The following CFHR5 variants were observed in gnomAD, a reference collection of about 807,000 sequenced individuals.
CFHR5 encodes the protein complement factor H-related protein 5.
Under a neutral mutation model 62.9 loss-of-function variants are expected in CFHR5, and 73 were observed. The observed-to-expected ratio is 1.16, with a 90% CI of 0.96 to 1.41. CFHR5 has a LOEUF of 1.41. Ranked by LOEUF, CFHR5 falls within the 40% of genes most tolerant of loss-of-function variation. CFHR5 has a pLI of 0.00. For missense variants in CFHR5, 779 were observed against 679.9 expected, an observed-to-expected ratio of 1.15 and a Z score of -1.62; for synonymous variants, 249 against 227.2, an observed-to-expected ratio of 1.10 and a Z score of -0.86.
chr1:196,993,772 G>A (rs1187919565), intron 3 of CFHR5, among the ~76,000 whole-genome samples: 4 of 151,986 alleles, frequency 2.6e-5, no homozygotes, highest in African/African-American at 4.8e-5. Flanking sequence ...AATAAAATTA[G>A]AACTAATATT....
In CFHR5 at chr1:196,995,841, C is replaced by A; in HGVS notation, c.732C>A (p.Asn244Lys). 1 of 1,612,992 alleles carries A rather than the reference C, an allele frequency of 6.2e-7. No homozygotes were observed. The highest frequency in any genetic ancestry group is 1.1e-5 in the South Asian group (1 of 91,074). Reference sequence around the variant, plus strand: ...ATTGCAATCCTAATTTTATAATAAACGGGCCTAAGAAAATACAATGTGTGG... The same window carrying A: ...ATTGCAATCCTAATTTTATAATAAAAGGGCCTAAGAAAATACAATGTGTGG... Reference protein sequence around the residue: ...EYDCNPNFIINGPKKIQCVDG... With the variant: ...EYDCNPNFIIKGPKKIQCVDG... Residue 244 changes from asparagine (N) to lysine (K), a missense_variant, in exon 5 of 10, where the codon AAC becomes AAA. Physicochemically the swap from Asn to Lys is moderately conservative, Grantham distance 94 (BLOSUM62 0). Coordinates refer to ENST00000256785, the MANE Select transcript of CFHR5 (RefSeq NM_030787.4).
upstream of CFHR5, among the ~76,000 whole-genome samples, chr1:196,977,310 A>T (rs1314283236): frequency 6.7e-6 from 1 of 149,308 alleles, no homozygotes; most frequent in Non-Finnish European, 1.5e-5. Flanking sequence ...AAAAAAACCC[A>T]GGGGGCCGGC....
chr1:196,992,317 T>C (rs1430289052), intron 3 of CFHR5, among the ~76,000 whole-genome samples: 4 of 151,300 alleles, frequency 2.6e-5, no homozygotes. Flanking sequence ...GTCACGGGTT[T>C]CCTTGGCTAG....
At chr1:196,996,252 G>C in intron 6 of CFHR5, 51 bp downstream of exon 6, 7 of 1,421,758 alleles carry the variant, frequency 4.9e-6, no homozygotes, top group Non-Finnish European at 6.9e-6. Context: ...ATTTTGATTG[G>C]GATTGTATAA....
intron 9 of CFHR5, among the ~76,000 whole-genome samples, chr1:197,006,993 T>A (rs1358259795): frequency 1.3e-5 from 2 of 151,688 alleles, no homozygotes; most frequent in Non-Finnish European, 2.9e-5. Context: ...CATGCCACCA[T>A]GCCCGGCTAA....
chr1:196,981,554 ACCC>A (rs1433205347), intron 1 of CFHR5, among the ~76,000 whole-genome samples: 1 of 152,000 alleles, frequency 6.6e-6, no homozygotes, highest in East Asian at 1.9e-4. Context: ...TGAATATTTC[ACCC>A]ATTTTCTACA....
chr1:196,993,039 A>G (rs1239775744), intron 3 of CFHR5, among the ~76,000 whole-genome samples: 2 of 152,036 alleles, frequency 1.3e-5, no homozygotes, highest in Non-Finnish European at 2.9e-5. Flanking sequence ...CATTAATGAA[A>G]GATTATTAAA....
chr1:196,984,433 A>G (rs1653628901), intron 3 of CFHR5, among the ~76,000 whole-genome samples: 1 of 152,240 alleles, frequency 6.6e-6, no homozygotes, highest in South Asian at 2.1e-4. Flanking sequence ...AAATGGTTAC[A>G]AAACTGAGGT....
rs770833814 is a variant in CFHR5, at chr1:196,995,732, G to A, written c.623G>A (p.Cys208Tyr). 1.2e-6 allele frequency: 2 copies of A among 1,612,946 alleles called. No individual in the cohort carries two copies. Among genetic ancestry groups the A allele is most frequent in the Admixed American group, 1.7e-5 (1 of 59,976 alleles). Residue 208 changes from cysteine (C) to tyrosine (Y), a missense_variant, in exon 5 of 10, where the codon TGT becomes TAT. Cys to Tyr is a radical substitution (Grantham distance 194). Coordinates refer to ENST00000256785, the MANE Select transcript of CFHR5 (RefSeq NM_030787.4). ...FPTCKGQVRS[C>Y]GPPPQLSNGE... ...TTTATAATAGGACAAGTACGATCAT[G>A]TGGTCCACCTCCTCAACTCTCCAAT...
upstream of CFHR5, among the ~76,000 whole-genome samples, chr1:196,975,992 A>G (rs1457612950): frequency 6.6e-6 from 1 of 152,136 alleles, no homozygotes; most frequent in African/African-American, 2.4e-5. Flanking sequence ...GAATAGTGAA[A>G]AAGTGTCAGG....
chr1:196,982,989 T>G lies in CFHR5; in HGVS notation c.163T>G (p.Cys55Gly). Reference sequence around the variant, plus strand: ...TACAGGGGAAGTTTTCTATTACTCCTGTGAATATAATTTTGTGTCTCCTTC... The same window carrying G: ...TACAGGGGAAGTTTTCTATTACTCCGGTGAATATAATTTTGTGTCTCCTTC... ...VPTGEVFYYS[C>G]EYNFVSPSKS... The change falls in exon 2 of 10, where the codon TGT becomes GGT. Residue 55 changes from cysteine to glycine, a missense_variant. By Grantham distance (159) the Cys-to-Gly change is radical. Coordinates refer to ENST00000256785, the MANE Select transcript of CFHR5 (RefSeq NM_030787.4). 6.2e-7 allele frequency: 1 copy of G among 1,614,140 alleles called. No homozygotes were observed. The highest frequency in any genetic ancestry group is 1.1e-5 in the South Asian group (1 of 91,046).
At chr1:196,994,866 A>G (rs1276460332) in intron 4 of CFHR5, among the ~76,000 whole-genome samples, 1 of 152,138 alleles carries the variant, frequency 6.6e-6, no homozygotes, top group Non-Finnish European at 1.5e-5. Flanking sequence ...ATGGCAGACA[A>G]GAGAAGAGAG....
At chr1:196,998,446 ACT>A (rs1459942460) in intron 7 of CFHR5, 142 bp downstream of exon 7, 4 of 715,888 alleles carry the variant, frequency 5.6e-6, no homozygotes, top group Non-Finnish European at 9.5e-6. Flanking sequence ...TAGTTATAAT[ACT>A]CTTTCCAGAC....
chr1:196,991,279 G>A (rs1653841946), intron 3 of CFHR5, among the ~76,000 whole-genome samples: 1 of 151,962 alleles, frequency 6.6e-6, no homozygotes, highest in East Asian at 1.9e-4. Flanking sequence ...CTTTTTTCAA[G>A]GTTTTTAGCT....
rs1365226558 is a variant in CFHR5, at chr1:196,977,683, G to T, written c.19G>T (p.Val7Leu). ...ACCAAGCATGTTGCTCTTATTCAGTGTAATCCTAATCTCATGGGTATCCAC... is the reference window on the plus strand; with the variant it reads ...ACCAAGCATGTTGCTCTTATTCAGTTTAATCCTAATCTCATGGGTATCCAC... Reference protein sequence around the residue: MLLLFSVILISWVSTVG... With the variant: MLLLFSLILISWVSTVG... The change falls in exon 1 of 10, where the codon GTA (valine) becomes TTA (leucine). Residue 7 changes from valine to leucine, a missense_variant. Coordinates refer to ENST00000256785, the MANE Select transcript of CFHR5 (RefSeq NM_030787.4). 6.2e-7 allele frequency: 1 copy of T among 1,613,024 alleles called. No individual in the cohort carries two copies. The highest frequency in any genetic ancestry group is 1.7e-5 in the Admixed American group (1 of 60,014).
rs763040757 is a variant in CFHR5, at chr1:197,004,817, A to C, written c.1487A>C (p.Gln496Pro). The C allele has an allele frequency of 6.2e-7, 1 of 1,613,574 alleles. No individual in the cohort carries two copies. Among genetic ancestry groups the C allele is most frequent in the East Asian group, 2.2e-5 (1 of 44,858 alleles). The change falls in exon 9 of 10, where the codon CAG becomes CCG. Residue 496 changes from glutamine to proline, a missense_variant. Physicochemically the swap from Gln to Pro is moderately conservative, Grantham distance 76 (BLOSUM62 -1). Transcript: ENST00000256785. ...GSVTVTCRNK[Q>P]WSEPPRCLDP... ...GTAACTGTAACATGCAGAAATAAACAGTGGTCAGAACCACCAAGATGCCTA... is the reference window on the plus strand; with the variant it reads ...GTAACTGTAACATGCAGAAATAAACCGTGGTCAGAACCACCAAGATGCCTA...
chr1:197,004,104 C>T (rs1412809164), intron 8 of CFHR5, among the ~76,000 whole-genome samples: 1 of 152,078 alleles, frequency 6.6e-6, no homozygotes, highest in Non-Finnish European at 1.5e-5. Context: ...GAACGTATTC[C>T]AGCCAATCTT....
chr1:196,983,455 C>T (rs1461938354), intron 2 of CFHR5, among the ~76,000 whole-genome samples: 12 of 151,918 alleles, frequency 7.9e-5, no homozygotes, highest in Non-Finnish European at 1.0e-4. Flanking sequence ...TTGCATATTG[C>T]GAGGTAAGGT....
chr1:196,976,799 C>CTTTTTTTTTTTTTTTTTTTT (rs10588279), upstream of CFHR5, among the ~76,000 whole-genome samples: 6 of 98,140 alleles, frequency 6.1e-5, no homozygotes, highest in African/African-American at 2.3e-4. Context: ...AAAAATTATT[C>CTTTTTTTTTTTTTTTTTTTT]TTTTTTTTTT....
Sources: gnomAD v4.1 joint callset for allele counts (sites outside exome capture counted in the v4.1 genomes callset) on GRCh38, gnomAD v4.1.1 for gene constraint, MANE v1.5 for transcripts, NCBI Gene and HGNC (gene_info 2026-07-23, HGNC 2026-07-21) for gene names.